SELENOF: variants seen among roughly 807,000 people sequenced by gnomAD.
SELENOF encodes selenoprotein F.
Under a neutral mutation model 20.5 loss-of-function variants are expected in SELENOF, and 16 were observed. The ratio of observed to expected loss-of-function variants is 0.78; its 90% CI spans 0.53 to 1.19. The LOEUF (loss-of-function observed/expected upper bound fraction) is 1.19. SELENOF is among the 50% of genes most tolerant of loss of function. The pLI is 0.00. For synonymous variants in SELENOF, 78 were observed against 74.5 expected (o/e 1.05, Z -0.24); for missense variants, 215 against 194.2 (o/e 1.11, Z -0.64).
intron 4 of SELENOF, 114 bp downstream of exon 4, chr1:86,867,939 T>C: frequency 1.1e-5 from 5 of 439,578 alleles, no homozygotes; most frequent in South Asian, 6.8e-5. Flanking sequence ...TTTAAATTGA[T>C]ACATAATATT....
chr1:86,898,853 A>G (rs1282035565), intron 2 of SELENOF, among the ~76,000 whole-genome samples: 7 of 151,262 alleles, frequency 4.6e-5, no homozygotes, highest in African/African-American at 9.8e-5. Context: ...GCAGGGTCAT[A>G]GGACAATAGT....
At chr1:86,882,494 TAAAAA>T (rs77238406) in intron 2 of SELENOF, among the ~76,000 whole-genome samples, 1 of 130,182 alleles carries the variant, frequency 7.7e-6, no homozygotes, top group Non-Finnish European at 1.7e-5. Context: ...TAGCTATTAT[TAAAAA>T]AAAAAAAAAA....
At chr1:86,866,853 A>G (rs989282207) in intron 4 of SELENOF, among the ~76,000 whole-genome samples, 23 of 152,338 alleles carry the variant, frequency 1.5e-4, no homozygotes, top group Middle Eastern at 3.4e-3. Context: ...AATCACTGCT[A>G]GGGCAAATGC....
At position 86,863,453 on chromosome 1, in the gene SELENOF, A is replaced by G. The variant is rs764235415; in HGVS notation, c.*21T>C. The G allele has an allele frequency of 1.9e-6, 3 of 1,601,080 alleles. No homozygotes were observed. The highest frequency in any genetic ancestry group is 2.6e-6 in the Non-Finnish European group (3 of 1,172,832). The stretch of plus-strand genomic sequence containing the variant: ...TCATTTGATAAGGTAACAAAAGGAT[A>G]GGACAAAATTTAAGCAAGATTTATA... On this transcript the variant is annotated 3_prime_UTR_variant, in exon 5 of 5. Transcript: ENST00000331835.
At chr1:86,914,360 CACG>C (rs1660083839), upstream of SELENOF, 1 of 543,732 alleles carries the variant, frequency 1.8e-6, no homozygotes, top group African/African-American at 1.9e-5. Flanking sequence ...TTCTTTTATT[CACG>C]ACACTTCGTC....
intron 2 of SELENOF, among the ~76,000 whole-genome samples, chr1:86,886,271 T>C (rs1659215031): frequency 6.6e-6 from 1 of 152,164 alleles, no homozygotes; most frequent in African/African-American, 2.4e-5. Flanking sequence ...ATGATTGTAA[T>C]GGGCAGGCAG....
At chr1:86,913,996 C>T (rs1402298918) in intron 1 of SELENOF, 32 bp downstream of exon 1, 11 of 1,580,048 alleles carry the variant, frequency 7.0e-6, no homozygotes, top group Non-Finnish European at 8.7e-6. Context: ...CCTACTCTCC[C>T]TGTGGCAGCT....
chr1:86,906,532 G>A (rs960162475), intron 1 of SELENOF, among the ~76,000 whole-genome samples: 3 of 152,210 alleles, frequency 2.0e-5, no homozygotes, highest in African/African-American at 7.2e-5. Context: ...AGGGTAGGTC[G>A]TAAAAGAGCA....
Position 86,862,575 on chromosome 1 carries a change from T to G in SELENOF, c.*899A>C, listed in dbSNP as rs894291046. 6.6e-6 allele frequency: 1 copy of G among 152,110 alleles called. No individual in the cohort carries two copies. Among genetic ancestry groups the G allele is most frequent in the Non-Finnish European group, 1.5e-5 (1 of 68,016 alleles). The allele number at this position is 152,110 out of a possible 1,614,324, so 9.4% of individuals were successfully genotyped here. ...ATAAAATCAGACAAATATAAAGCACTATTACCAACAATAAGATGTTATAAG... is the reference window on the plus strand; with the variant it reads ...ATAAAATCAGACAAATATAAAGCACGATTACCAACAATAAGATGTTATAAG... On this transcript the variant is annotated 3_prime_UTR_variant, in exon 5 of 5. Coordinates refer to ENST00000331835, the MANE Select transcript of SELENOF (RefSeq NM_004261.5).
chr1:86,902,839 A>C (rs1481201978), intron 2 of SELENOF, among the ~76,000 whole-genome samples: 1 of 152,110 alleles, frequency 6.6e-6, no homozygotes, highest in African/African-American at 2.4e-5. Flanking sequence ...GTAAACTAAC[A>C]GTCCATATTC....
intron 3 of SELENOF, among the ~76,000 whole-genome samples, chr1:86,876,954 G>GC (rs1658937585): frequency 6.6e-6 from 1 of 152,166 alleles, no homozygotes; most frequent in South Asian, 2.1e-4. Flanking sequence ...TTGCATATGA[G>GC]AAAGGCTGCA....
intron 1 of SELENOF, among the ~76,000 whole-genome samples, chr1:86,911,371 A>T (rs1011481926): frequency 2.6e-5 from 4 of 152,238 alleles, no homozygotes; most frequent in Non-Finnish European, 5.9e-5. Flanking sequence ...GGGAGAATAC[A>T]GTATGTGAAA....
intron 3 of SELENOF, among the ~76,000 whole-genome samples, chr1:86,877,640 T>G (rs545844124): frequency 1.4e-4 from 22 of 152,352 alleles, no homozygotes; most frequent in Non-Finnish European, 1.6e-4. Flanking sequence ...ATTTTTGAAT[T>G]ATGAGGATGC....
chr1:86,901,038 G>A (rs992045212), intron 2 of SELENOF, among the ~76,000 whole-genome samples: 2 of 152,192 alleles, frequency 1.3e-5, no homozygotes, highest in African/African-American at 2.4e-5. Context: ...TACTATAGGC[G>A]TAAACCACCA....
At chr1:86,899,450 T>A (rs1305534729) in intron 2 of SELENOF, among the ~76,000 whole-genome samples, 4 of 123,938 alleles carry the variant, frequency 3.2e-5, no homozygotes, top group Non-Finnish European at 6.6e-5. Context: ...ACGGGGCGGC[T>A]GGCCGGGCAG....
At chr1:86,870,384 G>A (rs1658730263) in intron 3 of SELENOF, among the ~76,000 whole-genome samples, 1 of 152,030 alleles carries the variant, frequency 6.6e-6, no homozygotes, top group South Asian at 2.1e-4. Flanking sequence ...CAGATATTCT[G>A]CAAACTCCTG....
intron 3 of SELENOF, among the ~76,000 whole-genome samples, chr1:86,869,941 A>AT (rs1257423040): frequency 6.6e-6 from 1 of 151,890 alleles, no homozygotes; most frequent in African/African-American, 2.4e-5. Context: ...CACCTGGCTA[A>AT]TTTTTTTATT....
chr1:86,903,802 G>T (rs547395541), intron 1 of SELENOF, among the ~76,000 whole-genome samples: 8 of 152,178 alleles, frequency 5.3e-5, no homozygotes, highest in African/African-American at 1.9e-4. Flanking sequence ...CGATGGTCTT[G>T]ATCTCCTGAC....
chr1:86,898,473 A>G (rs567806848), intron 2 of SELENOF, among the ~76,000 whole-genome samples: 11 of 152,358 alleles, frequency 7.2e-5, no homozygotes, highest in South Asian at 2.1e-4. Context: ...ATAGACCTAT[A>G]TAAAGCATCC....
Sources: gnomAD v4.1 joint callset for allele counts (sites outside exome capture counted in the v4.1 genomes callset) on GRCh38, gnomAD v4.1.1 for gene constraint, MANE v1.5 for transcripts, NCBI Gene and HGNC (gene_info 2026-07-23, HGNC 2026-07-21) for gene names.